Variants in OLFM3 observed in about 807,000 individuals in gnomAD.
OLFM3 encodes the protein olfactomedin 3.
OLFM3 carries 20 observed loss-of-function variants against 48.6 expected under a neutral mutation model. The ratio of observed to expected loss-of-function variants is 0.41; its 90% CI spans 0.29 to 0.60. The LOEUF is 0.60. Ranked by LOEUF, OLFM3 falls within the 20% of genes least tolerant of loss-of-function variation. OLFM3 has a pLI of 0.28. For synonymous variants in OLFM3, 222 were observed against 198.1 expected (o/e 1.12, Z -1.01); for missense variants, 437 against 544.3 (o/e 0.80, Z 1.96).
chr1:101,881,998 A>T (rs1427106475), intron 1 of OLFM3, among the ~76,000 whole-genome samples: 27 of 151,530 alleles, frequency 1.8e-4, no homozygotes, highest in Admixed American at 1.5e-3. Context: ...TACTTTTCAT[A>T]CTGTTGGATG....
At chr1:101,947,544 G>T (rs1413204993) in intron 1 of OLFM3, among the ~76,000 whole-genome samples, 1 of 152,112 alleles carries the variant, frequency 6.6e-6, no homozygotes, top group Non-Finnish European at 1.5e-5. Context: ...TGAGGAGGGA[G>T]GATTGGTTGG....
chr1:101,993,220 A>G (rs985112663), intron 1 of OLFM3, among the ~76,000 whole-genome samples: 1 of 152,124 alleles, frequency 6.6e-6, no homozygotes. Context: ...CTATCTTTAT[A>G]GTTCAGAGCA....
intron 4 of OLFM3, among the ~76,000 whole-genome samples, chr1:101,808,902 C>T (rs1183899885): frequency 6.6e-6 from 1 of 151,790 alleles, no homozygotes; most frequent in East Asian, 1.9e-4. Context: ...AGACAAGATC[C>T]TAGTACCTTC....
At chr1:101,972,896 C>T (rs1018658033) in intron 1 of OLFM3, among the ~76,000 whole-genome samples, 1 of 152,156 alleles carries the variant, frequency 6.6e-6, no homozygotes, top group African/African-American at 2.4e-5. Flanking sequence ...CAATTCCTTC[C>T]ACAACCACTT....
intron 4 of OLFM3, among the ~76,000 whole-genome samples, chr1:101,821,933 A>T (rs1489790799): frequency 6.6e-6 from 1 of 152,136 alleles, no homozygotes; most frequent in African/African-American, 2.4e-5. Flanking sequence ...TGACAATCAA[A>T]TTCTTTCTAA....
chr1:101,927,378 C>A (rs891859259), intron 1 of OLFM3, among the ~76,000 whole-genome samples: 1 of 151,842 alleles, frequency 6.6e-6, no homozygotes, highest in African/African-American at 2.4e-5. Context: ...CATTTCTTGG[C>A]AATATGGAGG....
At chr1:101,935,060 C>A (rs966452452) in intron 1 of OLFM3, among the ~76,000 whole-genome samples, 2 of 151,696 alleles carry the variant, frequency 1.3e-5, no homozygotes, top group African/African-American at 4.8e-5. Flanking sequence ...CCTAGAGGAA[C>A]TAGAGAAACA....
chr1:101,871,070 T>G (rs1657065717), intron 1 of OLFM3, among the ~76,000 whole-genome samples: 1 of 152,124 alleles, frequency 6.6e-6, no homozygotes. Flanking sequence ...ACTGTGCAGT[T>G]ACCTTATTTT....
At chr1:101,928,436 T>C (rs746906712) in intron 1 of OLFM3, among the ~76,000 whole-genome samples, 1 of 152,176 alleles carries the variant, frequency 6.6e-6, no homozygotes, top group Non-Finnish European at 1.5e-5. Context: ...CTCCTTCTTA[T>C]CTACTTGTGT....
intron 1 of OLFM3, among the ~76,000 whole-genome samples, chr1:101,934,602 T>G (rs1226015042): frequency 6.6e-6 from 1 of 152,066 alleles, no homozygotes; most frequent in Non-Finnish European, 1.5e-5. Context: ...AACCTGAACT[T>G]GACACTTGAC....
intron 1 of OLFM3, among the ~76,000 whole-genome samples, chr1:101,903,871 GTTA>G (rs148026954): frequency 1.3e-5 from 2 of 151,976 alleles, no homozygotes; most frequent in African/African-American, 4.8e-5. Flanking sequence ...ATTATTTTTA[GTTA>G]TTATTTTTAA....
At chr1:101,815,166 A>C (rs763605899) in intron 4 of OLFM3, among the ~76,000 whole-genome samples, 40 of 152,294 alleles carry the variant, frequency 2.6e-4, no homozygotes, top group Non-Finnish European at 5.1e-4. Context: ...TGTAGAGTGG[A>C]TAGAGTGTAA....
chr1:101,914,786 G>A (rs1658869962), intron 1 of OLFM3, among the ~76,000 whole-genome samples: 1 of 152,148 alleles, frequency 6.6e-6, no homozygotes, highest in African/African-American at 2.4e-5. Context: ...GTTTTCAGTG[G>A]TCTGAAGGAA....
chr1:101,851,705 T>C (rs920184911), intron 1 of OLFM3, among the ~76,000 whole-genome samples: 4 of 152,100 alleles, frequency 2.6e-5, no homozygotes, highest in African/African-American at 9.7e-5. Flanking sequence ...ACTAGAAAAC[T>C]TCCATAAGGT....
chr1:101,990,683 G>A (rs1400937644), intron 1 of OLFM3, among the ~76,000 whole-genome samples: 2 of 151,778 alleles, frequency 1.3e-5, no homozygotes, highest in East Asian at 1.9e-4. Context: ...CATTAGTTTC[G>A]TTAAAAATAT....
chr1:101,927,464 A>C (rs1033254974), intron 1 of OLFM3, among the ~76,000 whole-genome samples: 1 of 151,982 alleles, frequency 6.6e-6, no homozygotes, highest in Non-Finnish European at 1.5e-5. Context: ...TAAGATTTGA[A>C]GAATAATGAT....
At chr1:101,889,705 T>C (rs1262391703) in intron 1 of OLFM3, among the ~76,000 whole-genome samples, 1 of 152,082 alleles carries the variant, frequency 6.6e-6, no homozygotes. Flanking sequence ...TATTTGGATA[T>C]ACTGATCTAG....
chr1:101,925,214 G>A (rs1570636031), intron 1 of OLFM3, among the ~76,000 whole-genome samples: 1 of 151,946 alleles, frequency 6.6e-6, no homozygotes, highest in East Asian at 1.9e-4. Flanking sequence ...ATGTTAGATA[G>A]ATGGAAGGCA....
At chr1:101,927,959 A>G (rs911425905) in intron 1 of OLFM3, among the ~76,000 whole-genome samples, 1 of 152,036 alleles carries the variant, frequency 6.6e-6, no homozygotes, top group Admixed American at 6.6e-5. Context: ...CAAAATTAGT[A>G]GATGAACATA....
Sources: allele counts gnomAD v4.1 joint callset (sites outside exome capture counted in the v4.1 genomes callset), GRCh38; gene constraint gnomAD v4.1.1; transcripts MANE v1.5; gene names NCBI Gene and HGNC (gene_info 2026-07-23, HGNC 2026-07-21).